The following DTNA variants were observed in gnomAD, a reference collection of about 807,000 sequenced individuals.
The protein encoded by DTNA is dystrophin-related protein 3.
In DTNA, 43 loss-of-function variants were observed where a neutral mutation model predicts 100.7. The observed-to-expected ratio is 0.43, with a 90% CI of 0.33 to 0.55. The LOEUF is 0.55. Among genes scored for constraint, DTNA ranks in the 20% least tolerant of loss-of-function variants. The probability of loss-of-function intolerance (pLI) is 0.04; values close to 1 mark genes in which losing one functional copy is unlikely to be tolerated. For synonymous variants in DTNA, 349 were observed against 347.9 expected (o/e 1.00, Z -0.04); for missense variants, 798 against 953.9 (o/e 0.84, Z 2.15).
chr18:34,770,650 C>A (rs894114246), intron 3 of DTNA, among the ~76,000 whole-genome samples: 2 of 152,058 alleles, frequency 1.3e-5, no homozygotes, highest in African/African-American at 4.8e-5. Context: ...CTAAATGAGG[C>A]CCAGAACCTA....
At chr18:34,850,480 G>T (rs1051800824) in intron 14 of DTNA, among the ~76,000 whole-genome samples, 1 of 152,084 alleles carries the variant, frequency 6.6e-6, no homozygotes, top group African/African-American at 2.4e-5. Flanking sequence ...GCTGAAAAGA[G>T]GTGTAAATTA....
intron 3 of DTNA, among the ~76,000 whole-genome samples, chr18:34,781,165 C>T (rs1189506008): frequency 1.3e-5 from 2 of 152,150 alleles, no homozygotes; most frequent in Non-Finnish European, 2.9e-5. Context: ...TCCAAAGGTA[C>T]ACAAGAAGGA....
intron 1 of DTNA, among the ~76,000 whole-genome samples, chr18:34,536,200 C>A (rs550849776): frequency 3.3e-5 from 5 of 151,900 alleles, no homozygotes; most frequent in Non-Finnish European, 7.4e-5. Context: ...TAAAATAATT[C>A]CCCTATTGAT....
At chr18:34,756,112 C>T in intron 2 of DTNA, 69 bp downstream of exon 2, 1 of 1,492,440 alleles carries the variant, frequency 6.7e-7, no homozygotes. Flanking sequence ...CTAGAAATAA[C>T]CATTTATCTT....
intron 1 of DTNA, among the ~76,000 whole-genome samples, chr18:34,727,778 T>C (rs1433501234): frequency 6.6e-6 from 1 of 152,166 alleles, no homozygotes; most frequent in East Asian, 1.9e-4. Flanking sequence ...TTGGTCAGGC[T>C]AGTGTCAAAG....
intron 1 of DTNA, among the ~76,000 whole-genome samples, chr18:34,746,194 A>G (rs1955803958): frequency 6.9e-6 from 1 of 145,044 alleles, no homozygotes; most frequent in Non-Finnish European, 1.5e-5. Flanking sequence ...TGGGGGGGGG[A>G]CTTTTTAATT....
At chr18:34,609,764 A>G (rs1463796064) in intron 1 of DTNA, among the ~76,000 whole-genome samples, 1 of 152,148 alleles carries the variant, frequency 6.6e-6, no homozygotes, top group Non-Finnish European at 1.5e-5. Flanking sequence ...CTAGTGTTCT[A>G]CTGTTTCTCA....
chr18:34,608,813 C>T (rs1416997682), intron 1 of DTNA, among the ~76,000 whole-genome samples: 1 of 152,152 alleles, frequency 6.6e-6, no homozygotes, highest in Admixed American at 6.5e-5. Context: ...TGCAGAATAT[C>T]AGCACTTCTA....
intron 1 of DTNA, among the ~76,000 whole-genome samples, chr18:34,575,941 A>G (rs762828483): frequency 6.6e-6 from 1 of 152,216 alleles, no homozygotes; most frequent in South Asian, 2.1e-4. Context: ...TTCAACCAAG[A>G]CATTTCCAGT....
chr18:34,846,030 T>C (rs572634675), intron 13 of DTNA, among the ~76,000 whole-genome samples: 1 of 152,272 alleles, frequency 6.6e-6, no homozygotes, highest in Admixed American at 6.5e-5. Context: ...TATATTTAGG[T>C]TTCATTTCAC....
At chr18:34,520,614 A>G (rs1233305894) in intron 1 of DTNA, among the ~76,000 whole-genome samples, 6 of 152,166 alleles carry the variant, frequency 3.9e-5, no homozygotes, top group African/African-American at 1.2e-4. Context: ...AGATCTTGCC[A>G]TTGCACTCCA....
chr18:34,526,688 G>A (rs556051217), intron 1 of DTNA, among the ~76,000 whole-genome samples: 6 of 152,212 alleles, frequency 3.9e-5, no homozygotes, highest in Non-Finnish European at 5.9e-5. Flanking sequence ...TCAGTCTTAT[G>A]CAAATAATGT....
chr18:34,617,473 C>G lies in DTNA; in HGVS notation c.-2+123959C>G, dbSNP rs145742614. Among the ~76,000 whole-genome samples, 377 of 152,210 alleles carry G rather than the reference C, an allele frequency of 2.5e-3. 1 individual carries two copies. Among genetic ancestry groups the G allele is most frequent in the African/African-American group, 8.4e-3 (350 of 41,542 alleles). On this transcript the variant is annotated intron_variant, in intron 1 of 19. Coordinates refer to the DTNA transcript ENST00000283365. Reference sequence around the variant, plus strand: ...CCAATCTTGCATCTCAGAGATAAAACCTACTTGATTGTGGTGGACTCGCTT... The same window carrying G: ...CCAATCTTGCATCTCAGAGATAAAAGCTACTTGATTGTGGTGGACTCGCTT...
At chr18:34,820,291 C>T (rs1447695555) in intron 8 of DTNA, among the ~76,000 whole-genome samples, 1 of 152,138 alleles carries the variant, frequency 6.6e-6, no homozygotes, top group African/African-American at 2.4e-5. Context: ...AAACCATTTT[C>T]TGTTCTTAAG....
chr18:34,831,651 C>T (rs1602932797), intron 11 of DTNA, among the ~76,000 whole-genome samples: 1 of 152,174 alleles, frequency 6.6e-6, no homozygotes, highest in African/African-American at 2.4e-5. Context: ...GCCTGTAATC[C>T]CAGCTACTCA....
intron 1 of DTNA, among the ~76,000 whole-genome samples, chr18:34,526,591 C>T (rs1568591457): frequency 6.6e-6 from 1 of 152,004 alleles, no homozygotes; most frequent in Non-Finnish European, 1.5e-5. Flanking sequence ...ACGGCCGTGT[C>T]CCTATACTTA....
intron 1 of DTNA, among the ~76,000 whole-genome samples, chr18:34,536,470 A>G (rs1006696807): frequency 6.6e-5 from 10 of 152,000 alleles, no homozygotes; most frequent in Admixed American, 6.6e-5. Flanking sequence ...CTGATCTGGG[A>G]AAAGTGATAG....
chr18:34,753,970 A>T (rs2092593344), intron 1 of DTNA, among the ~76,000 whole-genome samples: 1 of 152,220 alleles, frequency 6.6e-6, no homozygotes, highest in Non-Finnish European at 1.5e-5. Flanking sequence ...AAAGTATTTG[A>T]CCATGTTCAG....
intron 1 of DTNA, among the ~76,000 whole-genome samples, chr18:34,638,385 G>A (rs117786800): frequency 6.6e-6 from 1 of 152,286 alleles, no homozygotes; most frequent in East Asian, 1.9e-4. Flanking sequence ...TTATAGAAGA[G>A]GAAACTGAGA....
Sources: allele counts gnomAD v4.1 joint callset (sites outside exome capture counted in the v4.1 genomes callset), GRCh38; gene constraint gnomAD v4.1.1; transcripts MANE v1.5; gene names NCBI Gene and HGNC (gene_info 2026-07-23, HGNC 2026-07-21).